Variants in BMS1 observed in about 807,000 individuals in gnomAD.
BMS1 encodes BMS1 ribosome biogenesis factor.
BMS1 carries 53 observed loss-of-function variants against 138.7 expected under a neutral mutation model. The ratio of observed to expected loss-of-function variants is 0.38; its 90% confidence interval spans 0.31 to 0.48. The LOEUF is 0.48. Ranked by LOEUF, BMS1 falls within the 20% of genes least tolerant of loss-of-function variation. The pLI, the probability that BMS1 is intolerant of heterozygous loss-of-function variation, is 0.97. For synonymous variants in BMS1, 504 were observed against 539.9 expected (o/e 0.93, Z 0.92); for missense variants, 1,360 against 1,565.5 (o/e 0.87, Z 2.22).
chr10:42,785,648 A>G lies in BMS1; in HGVS notation c.343A>G (p.Arg115Gly), dbSNP rs765587228. The change falls in exon 3 of 23, where the codon AGA (arginine) becomes GGA (glycine). Residue 115 changes from arginine (R) to glycine (G), a missense_variant. Arg to Gly is a moderately radical substitution (Grantham distance 125). Coordinates refer to ENST00000374518, the MANE Select transcript of BMS1 (RefSeq NM_014753.4). ...NFTRQKLTEI[R>G]GPVTIVSGKK... ...TACCCGGCAGAAGTTGACTGAGATC[A>G]GAGGCCCTGTGACGATTGTGTCAGG... 1.9e-6 allele frequency: 3 copies of G among 1,613,794 alleles called. No homozygotes were observed. Among genetic ancestry groups the G allele is most frequent in the South Asian group, 1.1e-5 (1 of 91,076 alleles).
rs778297524 is a variant in BMS1, at chr10:42,796,824, A to C, written c.1580A>C (p.Glu527Ala). 6.2e-7 allele frequency: 1 copy of C among 1,614,228 alleles called. No homozygotes were observed. The highest frequency in any genetic ancestry group is 1.1e-5 in the South Asian group (1 of 91,074). ...EAEEADESSE[E>A]EDCTAGEKGI... ...GAGGAAGCTGATGAAAGCAGTGAAG[A>C]AGAGGACTGCACTGCAGGAGAGAAG... Residue 527 changes from glutamate (E) to alanine (A), a missense_variant, in exon 10 of 23, where the codon GAA becomes GCA. Coordinates refer to ENST00000374518, the MANE Select transcript of BMS1 (RefSeq NM_014753.4).
chr10:42,818,594 C>CG (rs1358831579), intron 15 of BMS1, among the ~76,000 whole-genome samples: 1 of 152,132 alleles, frequency 6.6e-6, no homozygotes, highest in Non-Finnish European at 1.5e-5. Flanking sequence ...CCTGGAAGGA[C>CG]GGGTTGTTGT....
intron 12 of BMS1, among the ~76,000 whole-genome samples, chr10:42,799,108 T>G (rs1841791713): frequency 6.6e-6 from 1 of 151,724 alleles, no homozygotes; most frequent in South Asian, 2.1e-4. Flanking sequence ...CCTCTTCTCT[T>G]TCTCTCTCTC....
intron 21 of BMS1, among the ~76,000 whole-genome samples, chr10:42,825,142 GGGACTACA>G (rs1248462982): frequency 1.3e-5 from 2 of 152,066 alleles, no homozygotes; most frequent in African/African-American, 4.8e-5. Flanking sequence ...CCAAGTAGCT[GGGACTACA>G]GGCACGTGCC....
chr10:42,801,206 G>C (rs1033511420), intron 12 of BMS1, among the ~76,000 whole-genome samples: 2 of 152,182 alleles, frequency 1.3e-5, no homozygotes, highest in Admixed American at 6.5e-5. Flanking sequence ...CCTGAACCAG[G>C]AGAGCTCATA....
At chr10:42,790,609 T>C in intron 5 of BMS1, 98 bp downstream of exon 5, 1 of 1,318,444 alleles carries the variant, frequency 7.6e-7, no homozygotes, top group South Asian at 1.4e-5. Flanking sequence ...ATCCCAGCAC[T>C]TTGCAAGGCA....
At position 42,820,674 on chromosome 10, in the gene BMS1, G is replaced by T. The variant is rs746056748; in HGVS notation, c.2936G>T (p.Gly979Val). ...TATACCCCACAGCACATGCATTGCG[G>T]AGCAGCCTTTTGGGGTAAAATATGA... ...LKYTPQHMHC[G>V]AAFWGPITPQ... Residue 979 changes from glycine (G) to valine (V), a missense_variant, in exon 17 of 23, where the codon GGA becomes GTA. Gly to Val is a moderately radical substitution (Grantham distance 109). Transcript: ENST00000374518. 3.1e-6 allele frequency: 5 copies of T among 1,611,836 alleles called. No individual in the cohort carries two copies. The highest frequency in any genetic ancestry group is 4.2e-6 in the Non-Finnish European group (5 of 1,179,750).
At chr10:42,786,091 T>C (rs1007952021) in intron 3 of BMS1, among the ~76,000 whole-genome samples, 4 of 152,230 alleles carry the variant, frequency 2.6e-5, no homozygotes, top group Non-Finnish European at 5.9e-5. Flanking sequence ...CACTATGTCT[T>C]ATCCTGACTG....
intron 4 of BMS1, among the ~76,000 whole-genome samples, chr10:42,789,824 C>G (rs1416595114): frequency 6.6e-6 from 1 of 152,056 alleles, no homozygotes; most frequent in Non-Finnish European, 1.5e-5. Flanking sequence ...TGCCAGAGAC[C>G]TGTTATTTGG....
intron 4 of BMS1, among the ~76,000 whole-genome samples, chr10:42,789,738 G>T (rs1469188393): frequency 2.6e-5 from 4 of 151,824 alleles, no homozygotes; most frequent in Admixed American, 2.6e-4. Context: ...TCTATGAGGC[G>T]ATTGAAAGAA....
rs766314874 is a variant in BMS1 at position 42,787,174 on chromosome 10, A to T, written c.374A>T (p.Lys125Met). Reference protein sequence around the residue: ...RGPVTIVSGKKRRLTIIECGC... With the variant: ...RGPVTIVSGKMRRLTIIECGC... ...TTCATCTTTTCACTTATAGGTAAAA[A>T]GCGCAGACTCACCATTATTGAATGT... The change falls in exon 4 of 23, where the codon AAG becomes ATG. Residue 125 changes from lysine to methionine, a missense_variant. This residue lies in a region of BMS1 where 238 missense variants were observed against 311.1 expected (regional missense o/e 0.77). Transcript: ENST00000374518. The T allele has an allele frequency of 3.4e-6, 4 of 1,184,686 alleles. No homozygotes were observed. The highest frequency in any genetic ancestry group is 3.7e-6 in the Non-Finnish European group (3 of 807,286). The allele number at this position is 1,184,686 out of a possible 1,614,324, so 73.4% of individuals were successfully genotyped here. A position where few individuals can be genotyped will look rare whatever the true frequency, so the allele number is the denominator to read the frequency against.
intron 5 of BMS1, among the ~76,000 whole-genome samples, chr10:42,791,001 T>C (rs1232721302): frequency 1.3e-5 from 2 of 152,098 alleles, no homozygotes; most frequent in Non-Finnish European, 2.9e-5. Flanking sequence ...CCTTTGTGTA[T>C]GTGTTCAGCC....
intron 13 of BMS1, among the ~76,000 whole-genome samples, chr10:42,814,968 T>C (rs1418408387): frequency 6.6e-6 from 1 of 152,148 alleles, no homozygotes; most frequent in Non-Finnish European, 1.5e-5. Flanking sequence ...TTGGATGAGG[T>C]CCAGGGAGAC....
intron 13 of BMS1, among the ~76,000 whole-genome samples, chr10:42,806,838 A>T (rs1461382978): frequency 6.6e-6 from 1 of 151,614 alleles, no homozygotes; most frequent in East Asian, 1.9e-4. Context: ...GTAATTGTAG[A>T]TTGACATGCA....
rs377327011 is a variant in BMS1, at chr10:42,792,635, A to G, written c.901+21A>G. ...GCCAGGTATTCTCTTGTTGTAGAAC[A>G]TACTAGAATTACACATAGGATTCTT... On this transcript the variant is annotated intron_variant, in intron 7 of 22. Coordinates refer to ENST00000374518, the MANE Select transcript of BMS1 (RefSeq NM_014753.4). The G allele has an allele frequency of 1.8e-5, 29 of 1,597,824 alleles. No homozygotes were observed. The African/African-American group carries it at 3.3e-4, about 18-fold the overall frequency.
chr10:42,825,572 A>G (rs1004013720), intron 21 of BMS1, among the ~76,000 whole-genome samples: 3 of 152,032 alleles, frequency 2.0e-5, no homozygotes, highest in African/African-American at 7.2e-5. Context: ...AAATTAGATT[A>G]TTTTCTTGAT....
intron 9 of BMS1, among the ~76,000 whole-genome samples, chr10:42,795,725 C>T (rs1194185275): frequency 6.6e-6 from 1 of 152,104 alleles, no homozygotes; most frequent in African/African-American, 2.4e-5. Context: ...TAAATAGCTT[C>T]ATACAGTTTT....
intron 15 of BMS1, among the ~76,000 whole-genome samples, chr10:42,819,513 G>A (rs1162778269): frequency 2.6e-5 from 4 of 152,212 alleles, no homozygotes; most frequent in African/African-American, 9.7e-5. Flanking sequence ...CCTGGTAGAG[G>A]GCTGACCGTG....
chr10:42,817,273 G>C (rs1162092460), intron 14 of BMS1, 45 bp from the exon 15 acceptor site: 1 of 1,349,502 alleles, frequency 7.4e-7, no homozygotes, highest in Non-Finnish European at 1.0e-6. Flanking sequence ...TTAAAGAAAA[G>C]ACCTTCATAA....
Sources: gnomAD v4.1 joint callset for allele counts (sites outside exome capture counted in the v4.1 genomes callset) on GRCh38, gnomAD v4.1.1 for gene constraint, gnomAD v4.1.1 regional missense constraint, MANE v1.5 for transcripts, NCBI Gene and HGNC (gene_info 2026-07-23, HGNC 2026-07-21) for gene names.